FMNL2: variants seen among roughly 807,000 people sequenced by gnomAD.
FMNL2 encodes the protein formin-like protein 2.
FMNL2 carries 51 observed loss-of-function variants against 130.2 expected under a neutral mutation model. The observed-to-expected ratio is 0.39, with a 90% CI of 0.31 to 0.49. The LOEUF is 0.49. Ranked by LOEUF, FMNL2 falls within the 20% of genes least tolerant of loss-of-function variation. The pLI is 0.85. For missense variants in FMNL2, 977 were observed against 1,316.2 expected (o/e 0.74, Z 3.99); for synonymous variants, 465 against 467.1 (o/e 1.00, Z 0.06).
At chr2:152,608,782 G>A (rs916326389) in intron 10 of FMNL2, among the ~76,000 whole-genome samples, 1 of 152,052 alleles carries the variant, frequency 6.6e-6, no homozygotes, top group Non-Finnish European at 1.5e-5. Flanking sequence ...TTAGAGTTGA[G>A]GTTGCAAACT....
intron 1 of FMNL2, among the ~76,000 whole-genome samples, chr2:152,444,561 G>A (rs1688237466): frequency 6.6e-6 from 1 of 152,182 alleles, no homozygotes; most frequent in Admixed American, 6.5e-5. Flanking sequence ...ACTCTAACGA[G>A]CAAGTAAATA....
intron 18 of FMNL2, among the ~76,000 whole-genome samples, chr2:152,629,102 A>T (rs995663544): frequency 6.6e-6 from 1 of 151,938 alleles, no homozygotes; most frequent in Non-Finnish European, 1.5e-5. Context: ...GTTCTCTCCC[A>T]ATTCTGTTTC....
At chr2:152,616,986 T>C in intron 12 of FMNL2, 105 bp from the exon 13 acceptor site, 1 of 867,290 alleles carries the variant, frequency 1.2e-6, no homozygotes, top group Non-Finnish European at 1.8e-6. Context: ...GCGGAACACA[T>C]GCAGGGCCCT....
intron 1 of FMNL2, among the ~76,000 whole-genome samples, chr2:152,340,686 T>G (rs957642044): frequency 4.0e-5 from 6 of 151,816 alleles, no homozygotes; most frequent in African/African-American, 1.5e-4. Flanking sequence ...CAAGTTGTTG[T>G]TTTTTTTGTT....
intron 9 of FMNL2, among the ~76,000 whole-genome samples, chr2:152,598,750 A>G (rs1019750343): frequency 3.3e-5 from 5 of 152,224 alleles, no homozygotes; most frequent in Admixed American, 1.3e-4. Context: ...TTGGCTTTCT[A>G]GTAGAAATGG....
intron 1 of FMNL2, among the ~76,000 whole-genome samples, chr2:152,341,487 G>T (rs1343804806): frequency 6.6e-6 from 1 of 152,166 alleles, no homozygotes; most frequent in Non-Finnish European, 1.5e-5. Context: ...AAGTACTTTG[G>T]CTTGTGGCCT....
intron 1 of FMNL2, among the ~76,000 whole-genome samples, chr2:152,403,862 G>A (rs1685839449): frequency 6.6e-6 from 1 of 152,220 alleles, no homozygotes; most frequent in Non-Finnish European, 1.5e-5. Context: ...GAGGCCAAGA[G>A]ATTGAGACCA....
At chr2:152,419,753 G>A (rs899736708) in intron 1 of FMNL2, among the ~76,000 whole-genome samples, 15 of 152,176 alleles carry the variant, frequency 9.9e-5, no homozygotes, top group East Asian at 3.9e-4. Context: ...GTGTCTAGGC[G>A]CCCCTGAGAC....
chr2:152,358,087 C>T (rs1334126030), intron 1 of FMNL2, among the ~76,000 whole-genome samples: 1 of 152,174 alleles, frequency 6.6e-6, no homozygotes, highest in African/African-American at 2.4e-5. Context: ...TTCACTGAGT[C>T]TGCTGAGTCT....
intron 1 of FMNL2, among the ~76,000 whole-genome samples, chr2:152,429,015 TGTGTGAGGAGGGAGGAGGCAG>T (rs572570392): frequency 1.4e-3 from 213 of 151,814 alleles, no homozygotes; most frequent in Middle Eastern, 3.4e-3. Context: ...GGGCCTGTTG[TGTGTGAGGAGGGAGGAGGCAG>T]GTGGGAGGAG....
At chr2:152,642,165 C>T (rs1683145966) in intron 25 of FMNL2, among the ~76,000 whole-genome samples, 1 of 152,172 alleles carries the variant, frequency 6.6e-6, no homozygotes, top group African/African-American at 2.4e-5. Flanking sequence ...TGGTCTCGAT[C>T]TCCTGACCTC....
At chr2:152,505,292 A>G (rs1358109649) in intron 1 of FMNL2, among the ~76,000 whole-genome samples, 2 of 152,178 alleles carry the variant, frequency 1.3e-5, no homozygotes, top group Non-Finnish European at 2.9e-5. Context: ...TATAGTGTTA[A>G]TGAGTAAGAA....
At chr2:152,557,102 A>C (rs983107559) in intron 4 of FMNL2, among the ~76,000 whole-genome samples, 2 of 152,152 alleles carry the variant, frequency 1.3e-5, no homozygotes, top group Non-Finnish European at 2.9e-5. Flanking sequence ...TACTATTTCT[A>C]AGCTTCTAAT....
Position 152,335,317 on chromosome 2 carries a change from A to C in FMNL2, c.-287A>C, listed in dbSNP as rs1681328294. 2 of 187,114 alleles carry C rather than the reference A, an allele frequency of 1.1e-5. No homozygotes were observed. Among genetic ancestry groups the C allele is most frequent in the Non-Finnish European group, 1.1e-5 (1 of 92,076 alleles). The allele number at this position is 187,114 out of a possible 1,614,324, so 11.6% of individuals were successfully genotyped here. On this transcript the variant is annotated 5_prime_UTR_variant, in exon 1 of 26. Transcript: ENST00000288670. ...GATCTCTGGCAGGGGGCGGTGTGCC[A>C]GCGGAGCACCATGCACATAGGCGCC... is the stretch of plus-strand genomic sequence containing the variant.
intron 1 of FMNL2, among the ~76,000 whole-genome samples, chr2:152,476,625 G>A (rs540251150): frequency 2.0e-4 from 31 of 152,096 alleles, no homozygotes; most frequent in African/African-American, 7.5e-4. Context: ...CCTGGAGGTT[G>A]AGGCTGCAGT....
At chr2:152,590,953 T>G (rs1483579388) in intron 9 of FMNL2, among the ~76,000 whole-genome samples, 2 of 147,020 alleles carry the variant, frequency 1.4e-5, no homozygotes, top group African/African-American at 2.5e-5. Flanking sequence ...ATCCCTCTTG[T>G]GCAGAGTTAG....
chr2:152,355,643 T>C (rs910593320), intron 1 of FMNL2, among the ~76,000 whole-genome samples: 2 of 152,306 alleles, frequency 1.3e-5, no homozygotes, highest in Non-Finnish European at 2.9e-5. Context: ...CCCTCTCCTT[T>C]TCATCTCTCT....
chr2:152,354,608 C>T (rs563222845), intron 1 of FMNL2, among the ~76,000 whole-genome samples: 1 of 152,244 alleles, frequency 6.6e-6, no homozygotes, highest in East Asian at 1.9e-4. Flanking sequence ...AGTCCCAAAT[C>T]AAATAAAAAC....
At chr2:152,513,669 A>G (rs1692604295) in intron 1 of FMNL2, among the ~76,000 whole-genome samples, 1 of 152,168 alleles carries the variant, frequency 6.6e-6, no homozygotes, top group African/African-American at 2.4e-5. Context: ...TGTACCTAAG[A>G]TTGTGATTGA....
Sources: gnomAD v4.1 joint callset for allele counts (sites outside exome capture counted in the v4.1 genomes callset) on GRCh38, gnomAD v4.1.1 for gene constraint, MANE v1.5 for transcripts, NCBI Gene and HGNC (gene_info 2026-07-23, HGNC 2026-07-21) for gene names.